The following CBLB variants were observed in gnomAD, a reference collection of about 807,000 sequenced individuals.
CBLB encodes Cbl proto-oncogene B.
Under a neutral mutation model 104.9 loss-of-function variants are expected in CBLB, and 31 were observed. The ratio of observed to expected loss-of-function variants is 0.30; its 90% confidence interval spans 0.22 to 0.40. The LOEUF is 0.40. Among genes scored for constraint, CBLB ranks in the 10% least tolerant of loss-of-function variants. The pLI is 1.00. For missense variants in CBLB, 1,062 were observed against 1,214.6 expected, an observed-to-expected ratio of 0.87 and a Z score of 1.87; for synonymous variants, 440 against 422.6, an observed-to-expected ratio of 1.04 and a Z score of -0.51.
At chr3:105,817,696 T>G (rs566703021) in intron 3 of CBLB, among the ~76,000 whole-genome samples, 1 of 152,236 alleles carries the variant, frequency 6.6e-6, no homozygotes, top group African/African-American at 2.4e-5. Context: ...AAGAAATAAC[T>G]GAAGGCATTA....
intron 18 of CBLB, among the ~76,000 whole-genome samples, chr3:105,663,134 A>C: frequency 6.6e-6 from 1 of 152,292 alleles, no homozygotes; most frequent in African/African-American, 2.4e-5. Flanking sequence ...TATCACAGTT[A>C]CTGCTGTTAC....
At chr3:105,841,228 G>A (rs13100446) in intron 3 of CBLB, among the ~76,000 whole-genome samples, 98,465 of 148,222 alleles carry the variant, frequency 0.66, 33,940 homozygotes, top group Middle Eastern at 0.8. Context: ...CCTGGGAGGC[G>A]GAGGTTGCAG....
At chr3:105,788,078 T>A (rs1174767701) in intron 3 of CBLB, among the ~76,000 whole-genome samples, 1 of 152,204 alleles carries the variant, frequency 6.6e-6, no homozygotes, top group Non-Finnish European at 1.5e-5. Context: ...ATATTTGTAG[T>A]AGACGCAGGA....
chr3:105,757,078 T>C (rs1258891990), intron 4 of CBLB, among the ~76,000 whole-genome samples: 1 of 152,104 alleles, frequency 6.6e-6, no homozygotes. Flanking sequence ...GAGGCCTGCC[T>C]GGAAGCCAAG....
chr3:105,786,115 C>A (rs186241196), intron 3 of CBLB, among the ~76,000 whole-genome samples: 2 of 145,758 alleles, frequency 1.4e-5, no homozygotes, highest in Admixed American at 1.4e-4. Flanking sequence ...GCAGGGTAAT[C>A]GATACTATGC....
At position 105,780,669 on chromosome 3, in the gene CBLB, T is replaced by TTTTG. The variant is rs2080133298; in HGVS notation, c.420-4128_420-4127insCAAA. On this transcript the variant is annotated intron_variant, in intron 3 of 18. Coordinates refer to ENST00000394030, the MANE Select transcript of CBLB (RefSeq NM_170662.5). ...AAAAGTTTTGTTTTTTGTTTTTTTTTTTTTTTTTTTTGAGATGGAGTCTCG... is the reference window on the plus strand; with the variant it reads ...AAAAGTTTTGTTTTTTGTTTTTTTTTTTTGTTTTTTTTTTTGAGATGGAGTCTCG... Among the ~76,000 whole-genome samples the TTTTG allele has an allele frequency of 1.7e-4, 22 of 131,784 alleles. 1 individual carries two copies. Among genetic ancestry groups the TTTTG allele is most frequent in the South Asian group, 1.5e-3 (6 of 3,922 alleles). 86.5% of individuals were successfully genotyped at this position (131,784 alleles called of 152,430 possible).
At chr3:105,862,258 T>C (rs1362328077) in intron 2 of CBLB, among the ~76,000 whole-genome samples, 1 of 152,210 alleles carries the variant, frequency 6.6e-6, no homozygotes, top group Non-Finnish European at 1.5e-5. Context: ...GTACACTTAA[T>C]TTTCTGATTT....
At chr3:105,694,237 T>C (rs188901121) in intron 12 of CBLB, among the ~76,000 whole-genome samples, 36 of 152,032 alleles carry the variant, frequency 2.4e-4, no homozygotes, top group Admixed American at 2.3e-3. Flanking sequence ...CAGTGTTCAA[T>C]TACTCTGAAT....
intron 17 of CBLB, among the ~76,000 whole-genome samples, chr3:105,674,960 C>T (rs2065439609): frequency 6.6e-6 from 1 of 152,134 alleles, no homozygotes; most frequent in South Asian, 2.1e-4. Flanking sequence ...TTTGCAGAGA[C>T]ATAGGACACT....
At chr3:105,678,759 C>T (rs913231675) in intron 16 of CBLB, among the ~76,000 whole-genome samples, 188 bp from the exon 17 acceptor site, 1 of 152,186 alleles carries the variant, frequency 6.6e-6, no homozygotes, top group African/African-American at 2.4e-5. Context: ...GAGAGAAACA[C>T]ACACATGCAC....
chr3:105,745,541 A>G (rs577391907), intron 6 of CBLB, among the ~76,000 whole-genome samples: 57 of 152,332 alleles, frequency 3.7e-4, no homozygotes, highest in Admixed American at 1.3e-3. Context: ...ATATGTACTT[A>G]TATTTATCAG....
intron 5 of CBLB, among the ~76,000 whole-genome samples, chr3:105,746,587 C>T (rs908346813): frequency 3.9e-5 from 6 of 152,252 alleles, no homozygotes; most frequent in Non-Finnish European, 2.9e-5. Flanking sequence ...TTTTCTTCCC[C>T]CAAATATCCA....
At chr3:105,675,617 T>C (rs1463280446) in intron 17 of CBLB, among the ~76,000 whole-genome samples, 3 of 152,050 alleles carry the variant, frequency 2.0e-5, no homozygotes, top group African/African-American at 7.2e-5. Flanking sequence ...GGTGCAGTGG[T>C]TCACGCCTGC....
chr3:105,681,898 T>C, intron 14 of CBLB, 80 bp from the exon 15 acceptor site: 1 of 799,518 alleles, frequency 1.3e-6, no homozygotes, highest in Non-Finnish European at 2.2e-6. Flanking sequence ...AGGGAACTAG[T>C]ATTCCTGTTT....
At chr3:105,685,147 C>T (rs2066850420) in intron 14 of CBLB, among the ~76,000 whole-genome samples, 173 bp downstream of exon 14, 1 of 152,138 alleles carries the variant, frequency 6.6e-6, no homozygotes, top group South Asian at 2.1e-4. Flanking sequence ...GAGAAATCTG[C>T]ATCTTTTAGT....
At position 105,681,561 on chromosome 3, in the gene CBLB, C is replaced by G. The variant is rs2066319733; in HGVS notation, c.2346G>C (p.Arg782Ser). Residue 782 changes from arginine to serine, a missense_variant, in exon 16 of 19, where the codon AGG becomes AGC. By Grantham distance (110) the Arg-to-Ser change is moderately radical. This residue lies in a region of CBLB where 605 missense variants were observed against 582.6 expected (regional missense o/e 1.04). Transcript: ENST00000394030. ...ASDPVPLPPA[R>S]PPTRDNPKHG... is the part of the protein sequence containing the mutation. ...GCTTTGGATTGTCCCGAGTTGGAGGCCTGGCAGGTGGTAATGGCACGGGAT... is the reference window on the plus strand; with the variant it reads ...GCTTTGGATTGTCCCGAGTTGGAGGGCTGGCAGGTGGTAATGGCACGGGAT... 2 of 1,613,826 alleles carry G rather than the reference C, an allele frequency of 1.2e-6. No individual in the cohort carries two copies.
chr3:105,665,785 C>T (rs1443563281), intron 18 of CBLB, among the ~76,000 whole-genome samples: 1 of 151,188 alleles, frequency 6.6e-6, no homozygotes, highest in African/African-American at 2.4e-5. Flanking sequence ...AATCCCAGCA[C>T]TTTGGGAGGC....
rs1489913147 is a variant in CBLB, at chr3:105,659,151, T to C, written c.2768A>G (p.His923Arg). The change falls in exon 19 of 19, where the codon CAT (histidine) becomes CGT (arginine). Residue 923 changes from histidine to arginine, a missense_variant. By Grantham distance (29) the His-to-Arg change is conservative. Coordinates refer to ENST00000394030, the MANE Select transcript of CBLB (RefSeq NM_170662.5). ...TAPEIHHRKP[H>R]GPEAALENVD... ...ATTTTCCAATGCCGCCTCAGGCCCA[T>C]GGGGTTTTCTGTGGTGAATTTCTGG... 2 of 1,613,938 alleles carry C rather than the reference T, an allele frequency of 1.2e-6. No homozygotes were observed. Among genetic ancestry groups the C allele is most frequent in the Non-Finnish European group, 1.7e-6 (2 of 1,179,900 alleles).
At chr3:105,725,845 T>C (rs1392808866) in intron 9 of CBLB, among the ~76,000 whole-genome samples, 1 of 150,608 alleles carries the variant, frequency 6.6e-6, no homozygotes, top group Non-Finnish European at 1.5e-5. Flanking sequence ...TTTATTTTAT[T>C]TTATCTTTTT....
Sources: gnomAD v4.1 joint callset for allele counts (sites outside exome capture counted in the v4.1 genomes callset) on GRCh38, gnomAD v4.1.1 for gene constraint, gnomAD v4.1.1 regional missense constraint, MANE v1.5 for transcripts, NCBI Gene and HGNC (gene_info 2026-07-23, HGNC 2026-07-21) for gene names.